The following DOK6 variants were observed in gnomAD, a reference collection of about 807,000 sequenced individuals.
The protein encoded by DOK6 is downstream of tyrosine kinase 6.
A neutral mutation model predicts 44.0 loss-of-function variants in DOK6; 22 were observed. That is an observed-to-expected ratio of 0.50 (90% CI 0.36 to 0.71). The LOEUF (loss-of-function observed/expected upper bound fraction) is 0.71. DOK6 is among the 30% of genes least tolerant of loss of function. The pLI is 0.00. For synonymous variants in DOK6, 166 were observed against 145.5 expected (o/e 1.14, Z -1.01); for missense variants, 340 against 416.4 (o/e 0.82, Z 1.60).
Position 69,841,457 on chromosome 18 carries a change from C to G in DOK6, c.*74C>G, listed in dbSNP as rs1160946063. 2.5e-6 allele frequency: 4 copies of G among 1,578,274 alleles called. No homozygotes were observed. Among genetic ancestry groups the G allele is most frequent in the Admixed American group, 3.5e-5 (2 of 57,380 alleles). On this transcript the variant is annotated 3_prime_UTR_variant, in exon 8 of 8. Transcript: ENST00000382713. Reference sequence around the variant, plus strand: ...TCTGTGGGGTCATTACCCTCTGCCTCCTGGAAGACCAATTGCAGTACAAAT... The same window carrying G: ...TCTGTGGGGTCATTACCCTCTGCCTGCTGGAAGACCAATTGCAGTACAAAT...
At chr18:69,500,950 C>T (rs1327827931) in intron 1 of DOK6, among the ~76,000 whole-genome samples, 25 of 151,760 alleles carry the variant, frequency 1.6e-4, no homozygotes, top group Non-Finnish European at 1.0e-4. Context: ...GAAATGCCAA[C>T]AAACATTTGG....
chr18:69,720,958 C>CA (rs1376904249), intron 5 of DOK6, among the ~76,000 whole-genome samples: 1 of 152,104 alleles, frequency 6.6e-6, no homozygotes, highest in Non-Finnish European at 1.5e-5. Context: ...GCCTTATATA[C>CA]AGCCCACCCA....
chr18:69,740,171 T>C (rs1478328978), intron 6 of DOK6, among the ~76,000 whole-genome samples: 1 of 152,128 alleles, frequency 6.6e-6, no homozygotes, highest in Admixed American at 6.6e-5. Context: ...AGCTTCAGCA[T>C]TTGTAGGATG....
intron 2 of DOK6, among the ~76,000 whole-genome samples, chr18:69,591,797 G>A (rs1204356452): frequency 1.3e-5 from 2 of 152,030 alleles, no homozygotes; most frequent in Admixed American, 6.6e-5. Flanking sequence ...CAGACTCCCT[G>A]TTGCAATAAC....
At chr18:69,695,039 C>T (rs941390859) in intron 4 of DOK6, among the ~76,000 whole-genome samples, 2 of 152,140 alleles carry the variant, frequency 1.3e-5, no homozygotes, top group African/African-American at 4.8e-5. Flanking sequence ...TTAGATAACA[C>T]TTTTGAAAAA....
intron 3 of DOK6, chr18:69,659,886 A>T (rs187442371): frequency 1.4e-5 from 2 of 140,826 alleles, no homozygotes; most frequent in Admixed American, 1.4e-4. Flanking sequence ...TGTATGTTTT[A>T]TATATATAAC....
intron 5 of DOK6, among the ~76,000 whole-genome samples, chr18:69,716,952 G>A (rs1986898019): frequency 1.3e-5 from 2 of 152,072 alleles, no homozygotes; most frequent in African/African-American, 4.8e-5. Flanking sequence ...TGCATGTCTG[G>A]CTACTTTCAC....
intron 5 of DOK6, 135 bp from the exon 6 acceptor site, chr18:69,738,830 G>A (rs1041412344): frequency 3.0e-5 from 32 of 1,072,348 alleles, no homozygotes; most frequent in Middle Eastern, 2.1e-4. Flanking sequence ...GTTTGGTTAC[G>A]GCTGAATCAG....
intron 5 of DOK6, among the ~76,000 whole-genome samples, chr18:69,727,856 C>A (rs921549978): frequency 2.0e-5 from 3 of 152,292 alleles, no homozygotes; most frequent in East Asian, 1.9e-4. Context: ...TTTCAAATCA[C>A]CCCTTTCAAA....
chr18:69,738,875 G>A lies in DOK6; in HGVS notation c.600-90G>A, dbSNP rs536074103. On this transcript the variant is annotated intron_variant, in intron 5 of 7. Coordinates refer to ENST00000382713, the MANE Select transcript of DOK6 (RefSeq NM_152721.6). ...CTCCTGTGGAGGTCAGGAGGAGGAG[G>A]CACAAGGGCAAGGGCTTTGTCTACG... is the stretch of plus-strand genomic sequence containing the variant. 1.7e-3 allele frequency: 2,550 copies of A among 1,511,060 alleles called. 4 individuals are homozygous for A. Among genetic ancestry groups the A allele is most frequent in the Non-Finnish European group, 2.1e-3 (2,394 of 1,115,868 alleles). The allele number at this position is 1,511,060 out of a possible 1,614,324, so 93.6% of individuals were successfully genotyped here. A position where few individuals can be genotyped will look rare whatever the true frequency, so the allele number is the denominator to read the frequency against.
intron 1 of DOK6, among the ~76,000 whole-genome samples, chr18:69,560,972 A>G (rs1982816993): frequency 6.6e-6 from 1 of 152,170 alleles, no homozygotes; most frequent in African/African-American, 2.4e-5. Flanking sequence ...TGGTTGCAAA[A>G]TATTTGCATC....
At chr18:69,741,870 A>G (rs1978811461) in intron 6 of DOK6, among the ~76,000 whole-genome samples, 1 of 152,186 alleles carries the variant, frequency 6.6e-6, no homozygotes, top group Admixed American at 6.5e-5. Flanking sequence ...TTCATTTACT[A>G]TTTAAAATAA....
chr18:69,734,946 G>A (rs769084326), intron 5 of DOK6, among the ~76,000 whole-genome samples: 7 of 152,130 alleles, frequency 4.6e-5, no homozygotes, highest in East Asian at 1.9e-4. Context: ...AAAAGAGGGC[G>A]TGGTCTAGTA....
At chr18:69,688,005 A>T (rs1036211363) in intron 4 of DOK6, among the ~76,000 whole-genome samples, 1 of 152,136 alleles carries the variant, frequency 6.6e-6, no homozygotes, top group Non-Finnish European at 1.5e-5. Context: ...GCAGGATAAC[A>T]AGTTGGTATT....
At chr18:69,513,110 A>AT (rs1981419551) in intron 1 of DOK6, among the ~76,000 whole-genome samples, 1 of 119,226 alleles carries the variant, frequency 8.4e-6, no homozygotes. Flanking sequence ...ACTTAAAATA[A>AT]CAAAGCTCGT....
intron 1 of DOK6, among the ~76,000 whole-genome samples, chr18:69,446,648 G>T (rs1979302283): frequency 1.3e-5 from 2 of 152,136 alleles, no homozygotes; most frequent in African/African-American, 2.4e-5. Flanking sequence ...TTCCACAATG[G>T]TTGAACTAGT....
chr18:69,785,058 C>T (rs980804913), intron 7 of DOK6, among the ~76,000 whole-genome samples: 5 of 152,208 alleles, frequency 3.3e-5, no homozygotes, highest in Middle Eastern at 3.4e-3. Flanking sequence ...TGGCAAATGA[C>T]GGTCTGTGAT....
At chr18:69,496,143 G>A (rs1405729589) in intron 1 of DOK6, among the ~76,000 whole-genome samples, 1 of 152,224 alleles carries the variant, frequency 6.6e-6, no homozygotes, top group Non-Finnish European at 1.5e-5. Context: ...AGCTGCCCCA[G>A]GAGGGCAGGT....
At chr18:69,699,787 TA>T (rs536936199) in intron 5 of DOK6, among the ~76,000 whole-genome samples, 101 of 152,316 alleles carry the variant, frequency 6.6e-4, no homozygotes, top group African/African-American at 2.2e-3. Flanking sequence ...TTCACTGACC[TA>T]AAATCTATGA....
Sources: allele counts gnomAD v4.1 joint callset (sites outside exome capture counted in the v4.1 genomes callset), GRCh38; gene constraint gnomAD v4.1.1; transcripts MANE v1.5; gene names NCBI Gene and HGNC (gene_info 2026-07-23, HGNC 2026-07-21).